PPP2R2C: variants seen among roughly 807,000 people sequenced by gnomAD.
PPP2R2C encodes the protein protein phosphatase 2, regulatory subunit B, gamma.
PPP2R2C carries 10 observed loss-of-function variants against 45.3 expected under a neutral mutation model. That is an observed-to-expected ratio of 0.22 (90% CI 0.14 to 0.37). The LOEUF is 0.37. Among genes scored for constraint, PPP2R2C ranks in the 10% least tolerant of loss-of-function variants. PPP2R2C has a pLI of 1.00. For missense variants in PPP2R2C, 308 were observed against 619.7 expected (o/e 0.50, Z 5.34); for synonymous variants, 257 against 245.4 (o/e 1.05, Z -0.44).
intron 1 of PPP2R2C, among the ~76,000 whole-genome samples, chr4:6,557,396 A>G (rs1204347925): frequency 3.3e-5 from 5 of 152,012 alleles, no homozygotes; most frequent in Non-Finnish European, 7.4e-5. Context: ...AAAAAGAAAG[A>G]AAGAAAGAAA....
Position 6,378,346 on chromosome 4 carries a change from A to C in PPP2R2C, c.334+61T>G. On this transcript the variant is annotated intron_variant, in intron 3 of 8. Transcript: ENST00000382599. This position sits in a 1 kb window ranked among gnomAD's most constrained non-coding sequence, Gnocchi z 5.2. Reference sequence around the variant, plus strand: ...TCACAATATAAGTGAAATACAAACCAGCATTTGGTAGAAACATCTACGGCC... The same window carrying C: ...TCACAATATAAGTGAAATACAAACCCGCATTTGGTAGAAACATCTACGGCC... 1 of 1,607,946 alleles carries C rather than the reference A, an allele frequency of 6.2e-7. No homozygotes were observed. The highest frequency in any genetic ancestry group is 8.5e-7 in the Non-Finnish European group (1 of 1,178,008).
rs1033333608 is a variant in PPP2R2C, at chr4:6,368,293, G to C, written c.625+4230C>G. On this transcript the variant is annotated intron_variant, in intron 5 of 8. Transcript: ENST00000382599. This position sits in a 1 kb window ranked among gnomAD's most constrained non-coding sequence, Gnocchi z 4.2. ...CTGCAGCCAGCAGCAGGCGTGGCTGGAGAGAAATGTACACGGCTGCGCTGG... is the reference window on the plus strand; with the variant it reads ...CTGCAGCCAGCAGCAGGCGTGGCTGCAGAGAAATGTACACGGCTGCGCTGG... Among the ~76,000 whole-genome samples the C allele has an allele frequency of 6.6e-6, 1 of 152,200 alleles. No homozygotes were observed. Among genetic ancestry groups the C allele is most frequent in the Admixed American group, 6.5e-5 (1 of 15,280 alleles).
At chr4:6,416,882 G>A (rs1355448290) in intron 1 of PPP2R2C, among the ~76,000 whole-genome samples, 1 of 152,142 alleles carries the variant, frequency 6.6e-6, no homozygotes, top group African/African-American at 2.4e-5. Flanking sequence ...TCCCCCTGTC[G>A]GGGGGAGACT....
At chr4:6,518,920 CTTAAAAAAAAAAAAAAAA>C (rs1279615728) in intron 2 of PPP2R2C, among the ~76,000 whole-genome samples, 7 of 28,690 alleles carry the variant, frequency 2.4e-4, no homozygotes, top group Admixed American at 6.5e-4. Context: ...AAGACTCTGT[CTTAAAAAAAAAAAAAAAA>C]AAAAAAAAAA....
chr4:6,457,184 G>C (rs905915054), intron 1 of PPP2R2C, among the ~76,000 whole-genome samples: 1 of 138,672 alleles, frequency 7.2e-6, no homozygotes, highest in Non-Finnish European at 1.5e-5. Context: ...CCCCGACCTG[G>C]GCGACAGAGC....
chr4:6,356,538 T>C (rs1180206495), intron 5 of PPP2R2C, among the ~76,000 whole-genome samples: 1 of 152,212 alleles, frequency 6.6e-6, no homozygotes, highest in Non-Finnish European at 1.5e-5. Context: ...TAGCTATGTG[T>C]CTTTGGGCAA....
chr4:6,418,273 C>A (rs974276892), intron 1 of PPP2R2C, among the ~76,000 whole-genome samples: 1 of 152,138 alleles, frequency 6.6e-6, no homozygotes, highest in African/African-American at 2.4e-5. Flanking sequence ...GTGCCCTGGG[C>A]ACCCGGCTGC....
intron 1 of PPP2R2C, among the ~76,000 whole-genome samples, chr4:6,393,263 G>A (rs76010521): frequency 0.064 from 9,683 of 151,890 alleles, 404 homozygotes; most frequent in Non-Finnish European, 0.093. Context: ...CCCAGCCCCC[G>A]GAAATCACTG....
intron 1 of PPP2R2C, among the ~76,000 whole-genome samples, chr4:6,422,392 C>T (rs1719037677): frequency 6.6e-6 from 1 of 152,210 alleles, no homozygotes; most frequent in Admixed American, 6.5e-5. Flanking sequence ...CCTCTCTGAG[C>T]CTCAGCGTCC....
chr4:6,342,340 G>A (rs1733516726), intron 6 of PPP2R2C, among the ~76,000 whole-genome samples: 1 of 152,116 alleles, frequency 6.6e-6, no homozygotes, highest in Non-Finnish European at 1.5e-5. Flanking sequence ...GGCACTGTCT[G>A]AACCCCTAAC....
chr4:6,370,021 T>A (rs1219440482), intron 5 of PPP2R2C, among the ~76,000 whole-genome samples: 1 of 152,202 alleles, frequency 6.6e-6, no homozygotes, highest in Non-Finnish European at 1.5e-5. Flanking sequence ...ATCCATAGTG[T>A]CACGGAATCC....
chr4:6,426,660 G>A (rs1162109849), intron 1 of PPP2R2C, among the ~76,000 whole-genome samples: 1 of 152,200 alleles, frequency 6.6e-6, no homozygotes, highest in Non-Finnish European at 1.5e-5. Flanking sequence ...CTCAGTGTCA[G>A]TATCAGGGGA....
At chr4:6,466,193 G>A (rs2108763707) in intron 1 of PPP2R2C, among the ~76,000 whole-genome samples, 1 of 152,316 alleles carries the variant, frequency 6.6e-6, no homozygotes, top group Non-Finnish European at 1.5e-5. Context: ...TGAACACAGG[G>A]TAGCGTGCTG....
At chr4:6,453,348 G>A (rs1006723089) in intron 1 of PPP2R2C, among the ~76,000 whole-genome samples, 2 of 152,190 alleles carry the variant, frequency 1.3e-5, no homozygotes, top group African/African-American at 2.4e-5. Context: ...GATCCCCAAA[G>A]AGGAAGGAGC....
chr4:6,453,902 C>T (rs990758206), intron 1 of PPP2R2C, among the ~76,000 whole-genome samples: 3 of 152,168 alleles, frequency 2.0e-5, no homozygotes, highest in Non-Finnish European at 2.9e-5. Flanking sequence ...AGGCTGCACC[C>T]CCACCCGGCC....
At chr4:6,519,879 T>C (rs953122711) in intron 2 of PPP2R2C, among the ~76,000 whole-genome samples, 2 of 148,846 alleles carry the variant, frequency 1.3e-5, no homozygotes, top group Non-Finnish European at 3.0e-5. Flanking sequence ...CAGAGTGGCC[T>C]GAGATGAGGG....
intron 1 of PPP2R2C, among the ~76,000 whole-genome samples, chr4:6,445,556 A>C (rs1381718648): frequency 6.6e-6 from 1 of 152,216 alleles, no homozygotes; most frequent in Non-Finnish European, 1.5e-5. Context: ...GTTTCTTTTC[A>C]TGAAAAGGGA....
intron 2 of PPP2R2C, among the ~76,000 whole-genome samples, chr4:6,483,110 AATGG>A (rs1722413199): frequency 9.1e-6 from 1 of 110,266 alleles, no homozygotes; most frequent in African/African-American, 3.3e-5. Context: ...CTGATAGATA[AATGG>A]ATAGATAGAT....
At chr4:6,440,638 G>C (rs960029635) in intron 1 of PPP2R2C, among the ~76,000 whole-genome samples, 9 of 152,224 alleles carry the variant, frequency 5.9e-5, no homozygotes, top group Non-Finnish European at 7.3e-5. Context: ...GGTGCTGTCT[G>C]TGGTGCTTAC....
Sources: gnomAD v4.1 joint callset for allele counts (sites outside exome capture counted in the v4.1 genomes callset) on GRCh38, gnomAD v4.1.1 for gene constraint, Gnocchi (gnomAD v3.1) non-coding constraint, MANE v1.5 for transcripts, NCBI Gene and HGNC (gene_info 2026-07-23, HGNC 2026-07-21) for gene names.